The following CYB5RL variants were observed in gnomAD, a reference collection of about 807,000 sequenced individuals.
CYB5RL encodes the protein NADH-cytochrome b5 reductase-like.
CYB5RL carries 38 observed loss-of-function variants against 37.5 expected under a neutral mutation model. The ratio of observed to expected loss-of-function variants is 1.01; its 90% confidence interval spans 0.78 to 1.33. The LOEUF (loss-of-function observed/expected upper bound fraction) is 1.33, where lower values mean the gene tolerates loss of function less well. Ranked by LOEUF, CYB5RL falls within the 40% of genes most tolerant of loss-of-function variation. The pLI is 0.00. For synonymous variants in CYB5RL, 141 were observed against 151.9 expected (o/e 0.93, Z 0.53); for missense variants, 388 against 394.4 (o/e 0.98, Z 0.14).
chr1:54,175,438 G>A (rs574314435), intron 7 of CYB5RL: 4 of 285,924 alleles, frequency 1.4e-5, no homozygotes, highest in African/African-American at 6.5e-5. Context: ...GTGACCCCAC[G>A]GACCCAGGAT....
At chr1:54,177,530 G>A (rs1294184704) in intron 7 of CYB5RL, among the ~76,000 whole-genome samples, 1 of 152,162 alleles carries the variant, frequency 6.6e-6, no homozygotes, top group Non-Finnish European at 1.5e-5. Context: ...GTGCTGTGCT[G>A]CCTTATTCTG....
At position 54,173,607 on chromosome 1, in the gene CYB5RL, G is replaced by T. The variant is rs942281965; in HGVS notation, c.*1012C>A. ...GATATGGTGAAGAGTACATTTCTAT[G>T]ACTATAAAAGTCTAACTCTAAGATT... is the stretch of plus-strand genomic sequence containing the variant. On this transcript the variant is annotated 3_prime_UTR_variant, in exon 8 of 8. Coordinates refer to ENST00000534324, the MANE Select transcript of CYB5RL (RefSeq NM_001031672.4). 2 of 152,218 alleles carry T rather than the reference G, an allele frequency of 1.3e-5. No homozygotes were observed. Among genetic ancestry groups the T allele is most frequent in the South Asian group, 4.1e-4 (2 of 4,830 alleles). The allele number at this position is 152,218 out of a possible 1,614,324, so 9.4% of individuals were successfully genotyped here. A position where few individuals can be genotyped will look rare whatever the true frequency, so the allele number is the denominator to read the frequency against.
In CYB5RL at chr1:54,188,270, G is replaced by A. The variant is rs534165196; in HGVS notation, c.348-531C>T. The stretch of plus-strand genomic sequence containing the variant: ...TGGCCCCTTTTGTAAAATGGGGACA[G>A]CTATCTGCATTCCAGTTGTGTGGCT... On this transcript the variant is annotated intron_variant, in intron 4 of 7. Transcript: ENST00000534324. 8.5e-5 allele frequency among the ~76,000 whole-genome samples: 13 copies of A among 152,350 alleles called. No individual in the cohort carries two copies. The East Asian group carries it at 2.5e-3, about 29-fold the overall frequency.
At position 54,199,999 on chromosome 1, in the gene CYB5RL, C is replaced by T. The variant is rs989659304; in HGVS notation, c.-246G>A. 4.7e-5 allele frequency: 25 copies of T among 536,842 alleles called. No homozygotes were observed. Among genetic ancestry groups the T allele is most frequent in the Non-Finnish European group, 6.9e-5 (21 of 305,866 alleles). The allele number at this position is 536,842 out of a possible 1,614,324, so 33.3% of individuals were successfully genotyped here. On this transcript the variant is annotated 5_prime_UTR_variant, in exon 1 of 8. The change creates a new upstream start codon in the 5' untranslated region. Transcript: ENST00000534324. ...ACCTACTCGCCTGCGCTTCACCTCA[C>T]GTGAGGATTTTCCAGGTTCCTCCCA...
chr1:54,187,692 C>G lies in CYB5RL; in HGVS notation c.395G>C (p.Ser132Thr), dbSNP rs1313532081. 27 of 1,613,904 alleles carry G rather than the reference C, an allele frequency of 1.7e-5. No individual in the cohort carries two copies. The highest frequency in any genetic ancestry group is 1.9e-5 in the Non-Finnish European group (22 of 1,179,898). ...LEIQRAYTPI[S>T]PANAEGYFEV... Reference sequence around the variant, plus strand: ...AAAGTATCCTTCTGCGTTGGCAGGGCTGATGGGCGTATAGGCTCTCTGAAT... The same window carrying G: ...AAAGTATCCTTCTGCGTTGGCAGGGGTGATGGGCGTATAGGCTCTCTGAAT... The change falls in exon 5 of 8, where the codon AGC becomes ACC. Residue 132 changes from serine to threonine, a missense_variant. Ser to Thr is a moderately conservative substitution (Grantham distance 58, BLOSUM62 1). Coordinates refer to ENST00000534324, the MANE Select transcript of CYB5RL (RefSeq NM_001031672.4).
intron 3 of CYB5RL, among the ~76,000 whole-genome samples, chr1:54,194,026 A>AATC (rs1553178039): frequency 7.0e-6 from 1 of 142,508 alleles, no homozygotes; most frequent in African/African-American, 2.6e-5. Flanking sequence ...TAATAATAAT[A>AATC]ATGATAATAA....
At position 54,172,516 on chromosome 1, in the gene CYB5RL, A is replaced by G. The variant is rs1659919026; in HGVS notation, c.*2103T>C. Reference sequence around the variant, plus strand: ...TGACTTCAAAGCTTTTGAAGCCTCTATCCCCGCTGGCAGTGGTGTGCCCCT... The same window carrying G: ...TGACTTCAAAGCTTTTGAAGCCTCTGTCCCCGCTGGCAGTGGTGTGCCCCT... On this transcript the variant is annotated 3_prime_UTR_variant, in exon 8 of 8. Transcript: ENST00000534324. 1 of 152,186 alleles carries G rather than the reference A, an allele frequency of 6.6e-6. No individual in the cohort carries two copies. The highest frequency in any genetic ancestry group is 1.5e-5 in the Non-Finnish European group (1 of 68,062). 9.4% of individuals were successfully genotyped at this position (152,186 alleles called of 1,614,324 possible).
rs562730549 is a variant in CYB5RL, at chr1:54,170,602, G to A, written c.*4017C>T. The A allele has an allele frequency of 1.3e-4, 21 of 160,766 alleles. No homozygotes were observed. The highest frequency in any genetic ancestry group is 2.2e-4 in the Non-Finnish European group (16 of 72,360). The allele number at this position is 160,766 out of a possible 1,614,324, so 10.0% of individuals were successfully genotyped here. On this transcript the variant is annotated 3_prime_UTR_variant, in exon 8 of 8. Coordinates refer to ENST00000534324, the MANE Select transcript of CYB5RL (RefSeq NM_001031672.4). ...AATTTTTTGTATTTTTAGTACAGACGGGGTTTCACCGTGTTAGCCAGGATG... is the reference window on the plus strand; with the variant it reads ...AATTTTTTGTATTTTTAGTACAGACAGGGTTTCACCGTGTTAGCCAGGATG...
In CYB5RL at chr1:54,191,561, A is replaced by C. The variant is rs1254799031; in HGVS notation, c.199-665T>G. ...CACCCCAACCTGCATCTCCTCCAGG[A>C]AGCCTTCTCTGAATGCTGTGACTCA... On this transcript the variant is annotated intron_variant, in intron 3 of 7. Coordinates refer to ENST00000534324, the MANE Select transcript of CYB5RL (RefSeq NM_001031672.4). Among the ~76,000 whole-genome samples, 3 of 152,192 alleles carry C rather than the reference A, an allele frequency of 2.0e-5. No individual in the cohort carries two copies. The East Asian group carries it at 5.8e-4, about 29-fold the overall frequency.
chr1:54,186,678 G>GA (rs752560391), intron 5 of CYB5RL, among the ~76,000 whole-genome samples: 3 of 152,082 alleles, frequency 2.0e-5, no homozygotes, highest in Non-Finnish European at 2.9e-5. Flanking sequence ...AGGATTTGTG[G>GA]AATCTCCCAG....
At chr1:54,198,107 A>T (rs1278733345) in intron 1 of CYB5RL, among the ~76,000 whole-genome samples, 1 of 150,188 alleles carries the variant, frequency 6.7e-6, no homozygotes. Context: ...AGCCGGGCAT[A>T]TGGAAGGTTC....
In CYB5RL at chr1:54,173,637, G is replaced by A. The variant is rs1419419670; in HGVS notation, c.*982C>T. 1 of 152,450 alleles carries A rather than the reference G, an allele frequency of 6.6e-6. No individual in the cohort carries two copies. Among genetic ancestry groups the A allele is most frequent in the Non-Finnish European group, 1.5e-5 (1 of 68,032 alleles). 9.4% of individuals were successfully genotyped at this position (152,450 alleles called of 1,614,324 possible). The stretch of plus-strand genomic sequence containing the variant: ...TAAAAGTCTAACTCTAAGATTCCAT[G>A]GCTTAATATTCCAATTCTGGGACTG... On this transcript the variant is annotated 3_prime_UTR_variant, in exon 8 of 8. Coordinates refer to ENST00000534324, the MANE Select transcript of CYB5RL (RefSeq NM_001031672.4).
Position 54,172,074 on chromosome 1 carries a change from T to C in CYB5RL, c.*2545A>G, listed in dbSNP as rs1007210884. The C allele has an allele frequency of 6.5e-6, 1 of 153,746 alleles. No individual in the cohort carries two copies. Among genetic ancestry groups the C allele is most frequent in the African/African-American group, 2.4e-5 (1 of 41,446 alleles). The allele number at this position is 153,746 out of a possible 1,614,324, so 9.5% of individuals were successfully genotyped here. A position where few individuals can be genotyped will look rare whatever the true frequency, so the allele number is the denominator to read the frequency against. On this transcript the variant is annotated 3_prime_UTR_variant, in exon 8 of 8. Coordinates refer to ENST00000534324, the MANE Select transcript of CYB5RL (RefSeq NM_001031672.4). ...GGTGGCCTTGTATAATATCTAAATA[T>C]CTAAACATCTAAAATGAGACAAGGA...
chr1:54,174,509 A>G lies in CYB5RL; in HGVS notation c.*110T>C, dbSNP rs1659969327. ...GACACTTGCCCAAGGTCACCTGGCA[A>G]ATGAGCAGCAGGACCAGGCCTGGAC... is the stretch of plus-strand genomic sequence containing the variant. On this transcript the variant is annotated 3_prime_UTR_variant, in exon 8 of 8. Transcript: ENST00000534324. 7.5e-7 allele frequency: 1 copy of G among 1,326,482 alleles called. No homozygotes were observed. Among genetic ancestry groups the G allele is most frequent in the East Asian group, 2.5e-5 (1 of 39,544 alleles). 82.2% of individuals were successfully genotyped at this position (1,326,482 alleles called of 1,614,324 possible).
rs748538770 is a variant in CYB5RL at position 54,195,640 on chromosome 1, AG to A, written c.-25del. On this transcript the variant is annotated 5_prime_UTR_variant, in exon 3 of 8. Transcript: ENST00000534324. ...ATCAGTGGGGCTTGGGCAGCCTAGA[AG>A]GAACAACTGGGTGCTCTTCCAGAAC... 3.2e-6 allele frequency: 5 copies of A among 1,585,940 alleles called. No individual in the cohort carries two copies.
intron 3 of CYB5RL, among the ~76,000 whole-genome samples, chr1:54,192,304 C>CCT (rs1643962947): frequency 6.6e-6 from 1 of 151,700 alleles, no homozygotes; most frequent in Admixed American, 6.6e-5. Flanking sequence ...CGTGCCTCAG[C>CCT]CTCCCAGGTA....
At chr1:54,198,566 C>T (rs527339578) in intron 1 of CYB5RL, among the ~76,000 whole-genome samples, 121 of 150,106 alleles carry the variant, frequency 8.1e-4, no homozygotes, top group African/African-American at 2.8e-3. Flanking sequence ...CTCCTGACCT[C>T]GTGATCCACC....
chr1:54,176,102 G>A (rs1018232124), intron 7 of CYB5RL, among the ~76,000 whole-genome samples: 1 of 152,226 alleles, frequency 6.6e-6, no homozygotes, highest in Non-Finnish European at 1.5e-5. Context: ...CTTTCCTGCT[G>A]AGTGACTGTG....
chr1:54,171,355 C>T lies in CYB5RL; in HGVS notation c.*3264G>A, dbSNP rs1384503037. The T allele has an allele frequency of 2.2e-6, 1 of 456,298 alleles. No homozygotes were observed. The highest frequency in any genetic ancestry group is 4.4e-6 in the Non-Finnish European group (1 of 226,806). 28.3% of individuals were successfully genotyped at this position (456,298 alleles called of 1,614,324 possible). On this transcript the variant is annotated 3_prime_UTR_variant, in exon 8 of 8. Transcript: ENST00000534324. Reference sequence around the variant, plus strand: ...GCAGAGAGGCCCTACCCCAAGGCCACAGGGAGACAGGGAAGGATTTCAAGC... The same window carrying T: ...GCAGAGAGGCCCTACCCCAAGGCCATAGGGAGACAGGGAAGGATTTCAAGC...
Sources: allele counts gnomAD v4.1 joint callset (sites outside exome capture counted in the v4.1 genomes callset), GRCh38; gene constraint gnomAD v4.1.1; transcripts MANE v1.5; gene names NCBI Gene and HGNC (gene_info 2026-07-23, HGNC 2026-07-21).